The following ACER3 variants were observed in gnomAD, a reference collection of about 807,000 sequenced individuals.
ACER3 encodes alkaline ceramidase 3, also known as alkCDase 3.
A neutral mutation model predicts 48.9 loss-of-function variants in ACER3; 16 were observed. That is an observed-to-expected ratio of 0.33 (90% CI 0.22 to 0.50). The LOEUF (loss-of-function observed/expected upper bound fraction) is 0.50. Ranked by LOEUF, ACER3 falls within the 20% of genes least tolerant of loss-of-function variation. The pLI is 0.98. For synonymous variants in ACER3, 109 were observed against 107.8 expected (o/e 1.01, Z -0.07); for missense variants, 227 against 326.0 (o/e 0.70, Z 2.34).
intron 9 of ACER3, chr11:77,019,415 C>T (rs546465452): frequency 4.6e-5 from 9 of 197,052 alleles, no homozygotes; most frequent in East Asian, 4.2e-4. Flanking sequence ...GCCGAGATTG[C>T]GCCACTGCAC....
chr11:76,939,407 A>G (rs1489675312), intron 2 of ACER3, among the ~76,000 whole-genome samples: 1 of 152,224 alleles, frequency 6.6e-6, no homozygotes, highest in Non-Finnish European at 1.5e-5. Flanking sequence ...CCTGGGCAAC[A>G]TAGTGAGACC....
At chr11:76,911,575 T>A (rs1946379265) in intron 1 of ACER3, among the ~76,000 whole-genome samples, 1 of 152,158 alleles carries the variant, frequency 6.6e-6, no homozygotes. Flanking sequence ...TTCAGCCTCA[T>A]TTTATCCAGC....
At chr11:76,975,880 T>C (rs1391336546) in intron 3 of ACER3, among the ~76,000 whole-genome samples, 11 of 141,950 alleles carry the variant, frequency 7.7e-5, no homozygotes, top group South Asian at 4.6e-4. Context: ...TTTTCTTTTT[T>C]TTTTTTTTTT....
chr11:76,990,483 T>G, intron 5 of ACER3, 56 bp from the exon 6 acceptor site: 39 of 1,244,306 alleles, frequency 3.1e-5, no homozygotes, highest in Non-Finnish European at 4.4e-5. Context: ...TGGAGTCGGT[T>G]TTTCCCCCCT....
chr11:76,986,876 G>C (rs1948696029), intron 5 of ACER3, among the ~76,000 whole-genome samples: 1 of 152,124 alleles, frequency 6.6e-6, no homozygotes, highest in Non-Finnish European at 1.5e-5. Flanking sequence ...GACCAGCCTG[G>C]CCAACATGGT....
At chr11:76,867,468 C>CAAAAAA (rs1156610809) in intron 1 of ACER3, among the ~76,000 whole-genome samples, 277 of 19,550 alleles carry the variant, frequency 0.014, 37 homozygotes, top group African/African-American at 0.041. Context: ...GACTCTGTCT[C>CAAAAAA]AAAAAAAAAA....
intron 1 of ACER3, among the ~76,000 whole-genome samples, chr11:76,867,144 A>G (rs1945111026): frequency 6.6e-6 from 1 of 152,212 alleles, no homozygotes; most frequent in Non-Finnish European, 1.5e-5. Context: ...CTAAGGCTAT[A>G]AAACCATTTG....
At chr11:76,998,493 A>T in intron 6 of ACER3, 1 of 357,148 alleles carries the variant, frequency 2.8e-6, no homozygotes, top group South Asian at 3.5e-5. Context: ...TTCAGCAGAT[A>T]TTTAAAATTT....
Position 76,958,344 on chromosome 11 carries a change from G to T in ACER3, c.215-635G>T, listed in dbSNP as rs565145936. ...TGGTATTACGGGGGCCTGCCACCATGACCAGCTAATTTTTGTATTTTTAGT... is the reference window on the plus strand; with the variant it reads ...TGGTATTACGGGGGCCTGCCACCATTACCAGCTAATTTTTGTATTTTTAGT... On this transcript the variant is annotated intron_variant, in intron 2 of 10. Transcript: ENST00000532485. 1.1e-4 allele frequency among the ~76,000 whole-genome samples: 16 copies of T among 151,280 alleles called. No homozygotes were observed. The East Asian group carries it at 3.2e-3, about 30-fold the overall frequency.
At chr11:76,962,860 A>G (rs1487437424) in intron 3 of ACER3, among the ~76,000 whole-genome samples, 1 of 151,424 alleles carries the variant, frequency 6.6e-6, no homozygotes, top group Non-Finnish European at 1.5e-5. Flanking sequence ...ATTTATCAGA[A>G]CTGTGGTGCC....
chr11:76,982,364 C>A (rs1452819089), intron 4 of ACER3, among the ~76,000 whole-genome samples: 19 of 151,038 alleles, frequency 1.3e-4, no homozygotes, highest in Non-Finnish European at 4.4e-5. Context: ...CTACAGGCAC[C>A]CGCCACCACC....
At chr11:77,000,965 T>C (rs1264589675) in intron 7 of ACER3, among the ~76,000 whole-genome samples, 2 of 152,204 alleles carry the variant, frequency 1.3e-5, no homozygotes, top group Non-Finnish European at 2.9e-5. Context: ...TTTTAGGAAT[T>C]ATAGGAATTA....
In ACER3 at chr11:76,969,688, C is replaced by T. The variant is rs1272929174; in HGVS notation, c.268-6601C>T. On this transcript the variant is annotated intron_variant, in intron 3 of 10. Coordinates refer to ENST00000532485, the MANE Select transcript of ACER3 (RefSeq NM_018367.7). ...GAAACCATCATTCTCAGCAAACTAT[C>T]ACAAGGACAAAAAACCAAACACTGC... 2.7e-5 allele frequency among the ~76,000 whole-genome samples: 4 copies of T among 150,372 alleles called. No individual in the cohort carries two copies. The East Asian group carries it at 5.9e-4, about 22-fold the overall frequency.
chr11:76,884,216 T>G (rs1945614640), intron 1 of ACER3, among the ~76,000 whole-genome samples: 1 of 152,200 alleles, frequency 6.6e-6, no homozygotes, highest in South Asian at 2.1e-4. Context: ...GCTCTTTCTC[T>G]GCAAGACTGC....
At chr11:76,929,079 C>A (rs1946919262) in intron 2 of ACER3, among the ~76,000 whole-genome samples, 1 of 152,120 alleles carries the variant, frequency 6.6e-6, no homozygotes, top group Admixed American at 6.5e-5. Context: ...GATATTGATT[C>A]TTCCTACCCA....
intron 1 of ACER3, among the ~76,000 whole-genome samples, chr11:76,913,655 G>T (rs921763049): frequency 2.0e-5 from 3 of 152,018 alleles, no homozygotes; most frequent in African/African-American, 7.2e-5. Context: ...AATGCCATCC[G>T]CATCAAGCTA....
intron 1 of ACER3, among the ~76,000 whole-genome samples, chr11:76,910,123 G>C (rs893499431): frequency 2.6e-5 from 4 of 151,608 alleles, no homozygotes; most frequent in East Asian, 1.9e-4. Flanking sequence ...GGGCCTGTTG[G>C]GGGGTGGGGG....
chr11:76,909,665 G>C (rs1271762933), intron 1 of ACER3, among the ~76,000 whole-genome samples: 1 of 152,238 alleles, frequency 6.6e-6, no homozygotes, highest in African/African-American at 2.4e-5. Context: ...CTTTTACACT[G>C]TTGGTGGGAG....
chr11:76,862,050 A>T (rs1944954244), intron 1 of ACER3, among the ~76,000 whole-genome samples: 1 of 152,136 alleles, frequency 6.6e-6, no homozygotes, highest in South Asian at 2.1e-4. Context: ...ACAATATTTG[A>T]TCCTTCTTTT....
Sources: allele counts gnomAD v4.1 joint callset (sites outside exome capture counted in the v4.1 genomes callset), GRCh38; gene constraint gnomAD v4.1.1; transcripts MANE v1.5; gene names NCBI Gene and HGNC (gene_info 2026-07-23, HGNC 2026-07-21).